The following STAU2 variants were observed in gnomAD, a reference collection of about 807,000 sequenced individuals.
STAU2 encodes the protein staufen double-stranded RNA binding protein 2.
In STAU2, 20 loss-of-function variants were observed where a neutral mutation model predicts 65.9. That is an observed-to-expected ratio of 0.30 (90% CI 0.21 to 0.44). STAU2 has a LOEUF of 0.44. STAU2 is among the 20% of genes least tolerant of loss of function. STAU2 has a pLI of 1.00. For synonymous variants in STAU2, 232 were observed against 233.9 expected, an observed-to-expected ratio of 0.99 and a Z score of 0.07; for missense variants, 558 against 683.9, an observed-to-expected ratio of 0.82 and a Z score of 2.05.
At chr8:73,497,944 T>C (rs944787744) in intron 13 of STAU2, among the ~76,000 whole-genome samples, 3 of 151,826 alleles carry the variant, frequency 2.0e-5, no homozygotes, top group Admixed American at 2.0e-4. Flanking sequence ...AAATTTTGTT[T>C]TAACAAATAC....
At chr8:73,514,596 C>T (rs1822603027) in intron 13 of STAU2, among the ~76,000 whole-genome samples, 1 of 152,128 alleles carries the variant, frequency 6.6e-6, no homozygotes, top group South Asian at 2.1e-4. Context: ...ATCTGCCTTT[C>T]AATTTTTGGT....
chr8:73,515,301 T>A (rs1459009628), intron 13 of STAU2, among the ~76,000 whole-genome samples: 1 of 152,172 alleles, frequency 6.6e-6, no homozygotes, highest in Non-Finnish European at 1.5e-5. Context: ...CCATGTGGAA[T>A]GAAAGTATTT....
At chr8:73,560,533 G>A (rs1287265721) in intron 12 of STAU2, among the ~76,000 whole-genome samples, 1 of 152,068 alleles carries the variant, frequency 6.6e-6, no homozygotes, top group Non-Finnish European at 1.5e-5. Context: ...ACATAATGAT[G>A]TATGTGAAGG....
chr8:73,422,437 C>A (rs1263489177), intron 14 of STAU2, among the ~76,000 whole-genome samples, 177 bp downstream of exon 14: 3 of 152,178 alleles, frequency 2.0e-5, no homozygotes, highest in Admixed American at 6.5e-5. Flanking sequence ...AGAAATATTA[C>A]AGGAGATGTA....
chr8:73,645,949 C>T (rs145007201), intron 6 of STAU2, among the ~76,000 whole-genome samples: 2 of 152,284 alleles, frequency 1.3e-5, no homozygotes, highest in East Asian at 1.9e-4. Flanking sequence ...CCTCCCACCC[C>T]ACCCAACCTC....
At chr8:73,730,544 T>C (rs1033605996) in intron 3 of STAU2, among the ~76,000 whole-genome samples, 46 of 152,156 alleles carry the variant, frequency 3.0e-4, no homozygotes, top group African/African-American at 1.1e-3. Context: ...CTGGCCAACA[T>C]GGCAAAACCC....
intron 13 of STAU2, among the ~76,000 whole-genome samples, chr8:73,428,836 T>A (rs1425644417): frequency 6.6e-6 from 1 of 152,100 alleles, no homozygotes; most frequent in South Asian, 2.1e-4. Flanking sequence ...GAAGGCCAGG[T>A]CTCAGGGAGC....
intron 13 of STAU2, among the ~76,000 whole-genome samples, chr8:73,449,297 T>C (rs1418349542): frequency 2.0e-5 from 3 of 152,224 alleles, no homozygotes; most frequent in Non-Finnish European, 2.9e-5. Flanking sequence ...GGGTCCCTCC[T>C]TGGCCTGCAG....
At chr8:73,547,907 T>TA (rs1807046799) in intron 13 of STAU2, among the ~76,000 whole-genome samples, 1 of 152,004 alleles carries the variant, frequency 6.6e-6, no homozygotes, top group South Asian at 2.1e-4. Flanking sequence ...TAAAAAAGAA[T>TA]TGAAAAAAAA....
At chr8:73,465,130 T>C (rs1474059632) in intron 13 of STAU2, among the ~76,000 whole-genome samples, 1 of 152,202 alleles carries the variant, frequency 6.6e-6, no homozygotes, top group Non-Finnish European at 1.5e-5. Context: ...AGAAGTCAGG[T>C]GAAAGAGAAA....
intron 13 of STAU2, among the ~76,000 whole-genome samples, chr8:73,483,825 G>A (rs760114585): frequency 6.6e-6 from 1 of 152,136 alleles, no homozygotes; most frequent in Non-Finnish European, 1.5e-5. Context: ...GAGATTAACT[G>A]TGTGGGACTT....
At chr8:73,713,132 T>C (rs1181598321) in intron 3 of STAU2, among the ~76,000 whole-genome samples, 5 of 152,210 alleles carry the variant, frequency 3.3e-5, no homozygotes, top group African/African-American at 1.2e-4. Flanking sequence ...TGGTTAGATA[T>C]AACTTACAAC....
At chr8:73,587,334 G>A (rs1810450493) in intron 11 of STAU2, among the ~76,000 whole-genome samples, 1 of 152,178 alleles carries the variant, frequency 6.6e-6, no homozygotes, top group African/African-American at 2.4e-5. Flanking sequence ...CCTAAAGTAT[G>A]TACTCCATTA....
At chr8:73,517,075 A>G (rs1822774164) in intron 13 of STAU2, among the ~76,000 whole-genome samples, 1 of 152,134 alleles carries the variant, frequency 6.6e-6, no homozygotes, top group Non-Finnish European at 1.5e-5. Flanking sequence ...TCCTACCTAA[A>G]TATTTTTAAT....
chr8:73,685,189 A>C (rs28872487), intron 5 of STAU2, among the ~76,000 whole-genome samples: 41,930 of 151,850 alleles, frequency 0.28, 6,318 homozygotes, highest in East Asian at 0.46. Context: ...GAGGCCTCTC[A>C]AGCCATATAG....
chr8:73,738,229 C>A, intron 3 of STAU2, 55 bp downstream of exon 3: 2 of 1,478,846 alleles, frequency 1.4e-6, no homozygotes, highest in Non-Finnish European at 1.9e-6. Context: ...AAATGTTCCA[C>A]AATTTACAGC....
At chr8:73,651,202 A>G in intron 6 of STAU2, 1 of 932,488 alleles carries the variant, frequency 1.1e-6, no homozygotes, top group Non-Finnish European at 1.7e-6. Flanking sequence ...CGTCAGCATC[A>G]AGGAGGCTAG....
At chr8:73,686,718 C>T (rs1818855981) in intron 5 of STAU2, among the ~76,000 whole-genome samples, 1 of 151,224 alleles carries the variant, frequency 6.6e-6, no homozygotes, top group Non-Finnish European at 1.5e-5. Context: ...ACCACCTGTT[C>T]CCCAAAAACT....
intron 3 of STAU2, among the ~76,000 whole-genome samples, chr8:73,718,485 C>T (rs1231835940): frequency 6.6e-6 from 1 of 152,180 alleles, no homozygotes; most frequent in African/African-American, 2.4e-5. Context: ...CAGTATGAAA[C>T]CCAAAATAAG....
Sources: gnomAD v4.1 joint callset for allele counts (sites outside exome capture counted in the v4.1 genomes callset) on GRCh38, gnomAD v4.1.1 for gene constraint, MANE v1.5 for transcripts, NCBI Gene and HGNC (gene_info 2026-07-23, HGNC 2026-07-21) for gene names.